The following CSNK2A2IP variants were observed in gnomAD, a reference collection of about 807,000 sequenced individuals.
CSNK2A2IP encodes casein kinase 2 subunit alpha' interacting protein.
the CSNK2A2IP span, among the ~76,000 whole-genome samples, chr3:88,368,242 C>G: frequency 2.2e-4 from 33 of 151,912 alleles, no homozygotes; most frequent in African/African-American, 7.2e-4. Flanking sequence ...ACTGGGGATA[C>G]AGTAGTAACA....
the CSNK2A2IP span, among the ~76,000 whole-genome samples, chr3:88,458,307 C>T: frequency 7.9e-5 from 12 of 151,950 alleles, no homozygotes; most frequent in South Asian, 2.1e-3. Flanking sequence ...TGCGCCACCA[C>T]GCCTGGCTAA....
At chr3:88,429,602 C>T in the CSNK2A2IP span, among the ~76,000 whole-genome samples, 5 of 152,028 alleles carry the variant, frequency 3.3e-5, no homozygotes, top group African/African-American at 9.7e-5. Flanking sequence ...GTTCTCTATA[C>T]CTTTCATTAT....
the CSNK2A2IP span, among the ~76,000 whole-genome samples, chr3:88,400,445 C>T: frequency 6.6e-6 from 1 of 152,128 alleles, no homozygotes; most frequent in Non-Finnish European, 1.5e-5. Context: ...TTCTCAAACC[C>T]ATGAGTATAT....
the CSNK2A2IP span, among the ~76,000 whole-genome samples, chr3:88,346,004 A>G: frequency 2.0e-5 from 1 of 50,458 alleles, no homozygotes; most frequent in Non-Finnish European, 7.2e-5. Flanking sequence ...CTACACAAAT[A>G]ATAAAGATAA....
At chr3:88,352,737 C>T in the CSNK2A2IP span, among the ~76,000 whole-genome samples, 1 of 151,926 alleles carries the variant, frequency 6.6e-6, no homozygotes, top group Non-Finnish European at 1.5e-5. Flanking sequence ...TGATATCACA[C>T]CCCGCTTAAT....
At chr3:88,428,684 T>G in the CSNK2A2IP span, among the ~76,000 whole-genome samples, 1 of 152,158 alleles carries the variant, frequency 6.6e-6, no homozygotes, top group South Asian at 2.1e-4. Context: ...GGTCTAAAAC[T>G]ATACTGGATA....
chr3:88,414,793 C>A, the CSNK2A2IP span, among the ~76,000 whole-genome samples: 3 of 151,616 alleles, frequency 2.0e-5, no homozygotes, highest in Non-Finnish European at 4.4e-5. Flanking sequence ...TTAATCAAAT[C>A]GAAATGACTA....
the CSNK2A2IP span, among the ~76,000 whole-genome samples, chr3:88,361,298 G>A: frequency 6.6e-6 from 1 of 152,140 alleles, no homozygotes; most frequent in Admixed American, 6.5e-5. Context: ...AGATAGGGCT[G>A]GTTTTGGTGA....
At chr3:88,441,016 C>T in the CSNK2A2IP span, among the ~76,000 whole-genome samples, 2 of 152,042 alleles carry the variant, frequency 1.3e-5, no homozygotes, top group African/African-American at 4.8e-5. Context: ...ATAACCTGTT[C>T]AAAGAGTTCA....
At chr3:88,372,956 T>C in the CSNK2A2IP span, among the ~76,000 whole-genome samples, 7 of 151,540 alleles carry the variant, frequency 4.6e-5, no homozygotes, top group South Asian at 1.5e-3. Flanking sequence ...TGTGAATTCA[T>C]CTACTAAGAG....
At chr3:88,393,271 G>A in the CSNK2A2IP span, among the ~76,000 whole-genome samples, 62,938 of 152,072 alleles carry the variant, frequency 0.41, 14,906 homozygotes, top group South Asian at 0.6. Flanking sequence ...ACTGAAGACT[G>A]TTACATTTTT....
the CSNK2A2IP span, among the ~76,000 whole-genome samples, chr3:88,350,235 C>T: frequency 3.3e-5 from 5 of 152,098 alleles, no homozygotes; most frequent in African/African-American, 1.2e-4. Flanking sequence ...TCTTGAAAGG[C>T]CAGATTCTCC....
At chr3:88,373,364 A>G in the CSNK2A2IP span, among the ~76,000 whole-genome samples, 1 of 151,590 alleles carries the variant, frequency 6.6e-6, no homozygotes, top group Admixed American at 6.6e-5. Flanking sequence ...GTCAACTAAT[A>G]AACTCTAAAA....
chr3:88,403,293 G>GC, the CSNK2A2IP span, among the ~76,000 whole-genome samples: 1 of 151,906 alleles, frequency 6.6e-6, no homozygotes, highest in African/African-American at 2.4e-5. Context: ...TAAATTAAAT[G>GC]CCCCCAAATA....
the CSNK2A2IP span, among the ~76,000 whole-genome samples, chr3:88,444,400 T>C: frequency 6.6e-6 from 1 of 152,326 alleles, no homozygotes; most frequent in Non-Finnish European, 1.5e-5. Context: ...GGTTATGTAA[T>C]GCTTATACTC....
chr3:88,369,585 A>G, the CSNK2A2IP span, among the ~76,000 whole-genome samples: 12 of 151,882 alleles, frequency 7.9e-5, no homozygotes, highest in African/African-American at 2.9e-4. Flanking sequence ...AAAATTCTAG[A>G]AGGAGGAGCA....
chr3:88,385,340 A>G, the CSNK2A2IP span, among the ~76,000 whole-genome samples: 1 of 152,144 alleles, frequency 6.6e-6, no homozygotes, highest in East Asian at 1.9e-4. Context: ...TCATTATGTA[A>G]GAATAAAACA....
the CSNK2A2IP span, among the ~76,000 whole-genome samples, chr3:88,463,211 C>T: frequency 3.0e-4 from 45 of 150,622 alleles, no homozygotes; most frequent in Non-Finnish European, 4.1e-4. Flanking sequence ...CTCAGGCCAA[C>T]GACTTAATTG....
chr3:88,430,880 A>G, the CSNK2A2IP span, among the ~76,000 whole-genome samples: 1 of 152,132 alleles, frequency 6.6e-6, no homozygotes, highest in African/African-American at 2.4e-5. Flanking sequence ...GGATTAAGAG[A>G]AAATCCAAAA....
Sources: gnomAD v4.1 joint callset for allele counts (sites outside exome capture counted in the v4.1 genomes callset) on GRCh38, gnomAD v4.1.1 for gene constraint, MANE v1.5 for transcripts, NCBI Gene and HGNC (gene_info 2026-07-23, HGNC 2026-07-21) for gene names.